The following CCDC40 variants were observed in gnomAD, a reference collection of about 807,000 sequenced individuals.
The protein encoded by CCDC40 is coiled-coil domain 40 molecular ruler complex subunit.
In CCDC40, 104 loss-of-function variants were observed where a neutral mutation model predicts 124.5. That is an observed-to-expected ratio of 0.84 (90% CI 0.71 to 0.98). The LOEUF (loss-of-function observed/expected upper bound fraction) is 0.98. Ranked by LOEUF, CCDC40 falls within the 50% of genes least tolerant of loss-of-function variation. CCDC40 has a pLI of 0.00. For missense variants in CCDC40, 1,463 were observed against 1,503.9 expected (o/e 0.97, Z 0.45); for synonymous variants, 580 against 602.9 (o/e 0.96, Z 0.56).
chr17:80,041,501 C>T lies in CCDC40; in HGVS notation c.552+1231C>T, dbSNP rs540332081. Among the ~76,000 whole-genome samples, 7 of 141,058 alleles carry T rather than the reference C, an allele frequency of 5.0e-5. No individual in the cohort carries two copies. In the South Asian group the frequency reaches 1.6e-3, roughly 31 times the overall value. 92.5% of individuals were successfully genotyped at this position (141,058 alleles called of 152,430 possible). On this transcript the variant is annotated intron_variant, in intron 3 of 19. Transcript: ENST00000397545. ...CCTGCATGGGCGACAGAGCGAGACT[C>T]TGTCTCAAAAAAAAAAAAAAATTCT... is the stretch of plus-strand genomic sequence containing the variant.
At chr17:80,065,368 G>GT in intron 9 of CCDC40, 117 bp from the exon 10 acceptor site, 1 of 1,370,590 alleles carries the variant, frequency 7.3e-7, no homozygotes, top group Non-Finnish European at 1.0e-6. Context: ...ATCAAGGAAA[G>GT]TACCGGTGAT....
chr17:80,088,258 T>C (rs2038632569), intron 16 of CCDC40, 156 bp downstream of exon 16: 1 of 704,596 alleles, frequency 1.4e-6, no homozygotes, highest in Non-Finnish European at 2.6e-6. Flanking sequence ...TTTTGTTTTG[T>C]TTTGTTTTGT....
rs970624282 is a variant in CCDC40, at chr17:80,066,219, C to T, written c.1562+613C>T. 1.9e-5 allele frequency: 13 copies of T among 702,628 alleles called. No homozygotes were observed. Among genetic ancestry groups the T allele is most frequent in the African/African-American group, 1.7e-4 (10 of 57,234 alleles). The allele number at this position is 702,628 out of a possible 1,614,324, so 43.5% of individuals were successfully genotyped here. A position where few individuals can be genotyped will look rare whatever the true frequency, so the allele number is the denominator to read the frequency against. On this transcript the variant is annotated intron_variant, in intron 10 of 19. Coordinates refer to ENST00000397545, the MANE Select transcript of CCDC40 (RefSeq NM_017950.4). The surrounding 1 kb of genome is among the most constrained non-coding windows in gnomAD (Gnocchi z 4.4). ...GAGCTTTAACTTCCCCTCCACCTTTCGTAGTCTCCACCCCTTGTGCCCAGC... is the reference window on the plus strand; with the variant it reads ...GAGCTTTAACTTCCCCTCCACCTTTTGTAGTCTCCACCCCTTGTGCCCAGC...
At chr17:80,076,736 A>T (rs1033940077) in intron 10 of CCDC40, among the ~76,000 whole-genome samples, 3 of 151,876 alleles carry the variant, frequency 2.0e-5, no homozygotes, top group Non-Finnish European at 4.4e-5. Context: ...ATTTTTTAGC[A>T]ATAAAGTTTG....
At chr17:80,039,586 A>G (rs1367291744) in intron 2 of CCDC40, among the ~76,000 whole-genome samples, 2 of 151,702 alleles carry the variant, frequency 1.3e-5, no homozygotes, top group African/African-American at 4.8e-5. Context: ...TAATTTTTGT[A>G]TTTTTAGTAG....
At chr17:80,043,731 C>T (rs942841321) in intron 3 of CCDC40, among the ~76,000 whole-genome samples, 1 of 151,364 alleles carries the variant, frequency 6.6e-6, no homozygotes, top group Non-Finnish European at 1.5e-5. Flanking sequence ...GATACCCAGG[C>T]TGGTCTCGAA....
At chr17:80,082,785 C>G (rs2038488561) in intron 12 of CCDC40, among the ~76,000 whole-genome samples, 1 of 152,224 alleles carries the variant, frequency 6.6e-6, no homozygotes, top group Non-Finnish European at 1.5e-5. Flanking sequence ...CCCCGCCGAG[C>G]CCCTGTCTGG....
At position 80,099,805 on chromosome 17, in the gene CCDC40, C is replaced by A. The variant is rs768280465; in HGVS notation, c.*30C>A. 3 of 1,609,474 alleles carry A rather than the reference C, an allele frequency of 1.9e-6. No individual in the cohort carries two copies. The highest frequency in any genetic ancestry group is 2.5e-6 in the Non-Finnish European group (3 of 1,178,970). ...CAGCCTGGACTCCGCCTTGCAAGGC[C>A]TCCAGGAAGAGATCCGGAATTGTGT... On this transcript the variant is annotated 3_prime_UTR_variant, in exon 20 of 20. Transcript: ENST00000397545.
rs2038604512 is a variant in CCDC40 at position 80,087,193 on chromosome 17, TG to T, written c.2450-412del. On this transcript the variant is annotated intron_variant, in intron 14 of 19. Coordinates refer to ENST00000397545, the MANE Select transcript of CCDC40 (RefSeq NM_017950.4). This position sits in a 1 kb window ranked among gnomAD's most constrained non-coding sequence, Gnocchi z 4.5. Reference sequence around the variant, plus strand: ...TGTTTTCTGCCCCTACCCCTGAGCTTGGCTGGGGCAGGGCAGGGGTCTAAGG... The same window carrying T: ...TGTTTTCTGCCCCTACCCCTGAGCTTGCTGGGGCAGGGCAGGGGTCTAAGG... 1 of 273,338 alleles carries T rather than the reference TG, an allele frequency of 3.7e-6. No individual in the cohort carries two copies. The highest frequency in any genetic ancestry group is 4.4e-5 in the South Asian group (1 of 22,496). The allele number at this position is 273,338 out of a possible 1,614,324, so 16.9% of individuals were successfully genotyped here.
chr17:80,067,867 T>C (rs914515214), intron 10 of CCDC40: 17 of 1,390,470 alleles, frequency 1.2e-5, no homozygotes, highest in African/African-American at 1.4e-5. Flanking sequence ...ATGAAGAAAA[T>C]AGATAATCTT....
intron 9 of CCDC40, among the ~76,000 whole-genome samples, chr17:80,061,612 G>T (rs2037898346): frequency 6.6e-6 from 1 of 152,174 alleles, no homozygotes; most frequent in Non-Finnish European, 1.5e-5. Context: ...CTTCCCCAGG[G>T]AAGGGGGCCG....
At chr17:80,056,446 C>G (rs2037751440) in intron 7 of CCDC40, among the ~76,000 whole-genome samples, 1 of 151,734 alleles carries the variant, frequency 6.6e-6, no homozygotes, top group Non-Finnish European at 1.5e-5. Context: ...GCGGCAAAAC[C>G]CCATCTCTAC....
intron 7 of CCDC40, among the ~76,000 whole-genome samples, chr17:80,057,288 A>G (rs1034493216): frequency 6.6e-6 from 1 of 151,728 alleles, no homozygotes; most frequent in African/African-American, 2.4e-5. Flanking sequence ...GGGTTTCACC[A>G]TGTTGGCTAG....
intron 3 of CCDC40, among the ~76,000 whole-genome samples, chr17:80,041,902 C>G (rs1439014856): frequency 1.3e-5 from 2 of 152,098 alleles, no homozygotes; most frequent in Non-Finnish European, 1.5e-5. Context: ...TTTAAAAGCA[C>G]CAAGATTCTT....
intron 7 of CCDC40, among the ~76,000 whole-genome samples, chr17:80,052,939 A>T (rs1344735143): frequency 1.3e-5 from 2 of 152,234 alleles, no homozygotes; most frequent in Admixed American, 1.3e-4. Flanking sequence ...AAAGGCACTA[A>T]CTAGACAAAT....
rs140339548 is a variant in CCDC40 at position 80,043,949 on chromosome 17, C to A, written c.553-3330C>A. Among the ~76,000 whole-genome samples, 690 of 152,304 alleles carry A rather than the reference C, an allele frequency of 4.5e-3. 1 individual carries two copies. The highest frequency in any genetic ancestry group is 6.2e-3 in the Non-Finnish European group (423 of 68,026). The stretch of plus-strand genomic sequence containing the variant: ...CCCACTTTTACTGCCTTGGCTGCCC[C>A]CTACTCCCAGCATACCTTAGGTTTC... On this transcript the variant is annotated intron_variant, in intron 3 of 19. Coordinates refer to ENST00000397545, the MANE Select transcript of CCDC40 (RefSeq NM_017950.4).
At chr17:80,064,209 C>T (rs1483357326) in intron 9 of CCDC40, among the ~76,000 whole-genome samples, 2 of 152,196 alleles carry the variant, frequency 1.3e-5, no homozygotes, top group Non-Finnish European at 2.9e-5. Context: ...AGGGCGATGG[C>T]CTCTCTCATG....
chr17:80,087,947 C>G lies in CCDC40; in HGVS notation c.2620-64C>G, dbSNP rs115916105. On this transcript the variant is annotated intron_variant, in intron 15 of 19. Coordinates refer to ENST00000397545, the MANE Select transcript of CCDC40 (RefSeq NM_017950.4). This position sits in a 1 kb window ranked among gnomAD's most constrained non-coding sequence, Gnocchi z 4.5. ...GCCCTCGGTGCCGGGATAGAGGGCA[C>G]CAGCCCCGGCATCCACAATCCCATG... 4.4e-6 allele frequency: 6 copies of G among 1,371,576 alleles called. No homozygotes were observed. The South Asian group carries it at 7.0e-5, about 16-fold the overall frequency. The allele number at this position is 1,371,576 out of a possible 1,614,324, so 85.0% of individuals were successfully genotyped here.
chr17:80,081,563 C>T lies in CCDC40; in HGVS notation c.1580C>T (p.Ala527Val). 6.2e-7 allele frequency: 1 copy of T among 1,613,674 alleles called. No individual in the cohort carries two copies. ...LEALRGCQHQ[A>V]KSTDGEIEAY... ...TTCTACAGAGGATGCCAGCATCAAGCCAAATCCACCGACGGCGAGATTGAG... is the reference window on the plus strand; with the variant it reads ...TTCTACAGAGGATGCCAGCATCAAGTCAAATCCACCGACGGCGAGATTGAG... Residue 527 changes from alanine (A) to valine (V), a missense_variant, in exon 11 of 20, where the codon GCC becomes GTC. By Grantham distance (64) the Ala-to-Val change is moderately conservative (BLOSUM62 0). Coordinates refer to ENST00000397545, the MANE Select transcript of CCDC40 (RefSeq NM_017950.4).
Sources: gnomAD v4.1 joint callset for allele counts (sites outside exome capture counted in the v4.1 genomes callset) on GRCh38, gnomAD v4.1.1 for gene constraint, Gnocchi (gnomAD v3.1) non-coding constraint, MANE v1.5 for transcripts, NCBI Gene and HGNC (gene_info 2026-07-23, HGNC 2026-07-21) for gene names.